TPD52L1: variants seen among roughly 807,000 people sequenced by gnomAD.
The protein encoded by TPD52L1 is tumor protein D53.
A neutral mutation model predicts 28.7 loss-of-function variants in TPD52L1; 18 were observed. The ratio of observed to expected loss-of-function variants is 0.63; its 90% confidence interval spans 0.43 to 0.93. TPD52L1 has a LOEUF of 0.93. TPD52L1 is among the 40% of genes least tolerant of loss of function. TPD52L1 has a pLI of 0.00. For synonymous variants in TPD52L1, 75 were observed against 88.8 expected, an observed-to-expected ratio of 0.84 and a Z score of 0.88; for missense variants, 203 against 254.8, an observed-to-expected ratio of 0.80 and a Z score of 1.39.
At chr6:125,231,877 G>A (rs994778165) in intron 3 of TPD52L1, among the ~76,000 whole-genome samples, 4 of 152,112 alleles carry the variant, frequency 2.6e-5, no homozygotes, top group Non-Finnish European at 5.9e-5. Flanking sequence ...TCTTAATGCC[G>A]ATCCCATAGG....
chr6:125,176,805 G>A (rs988416936), intron 1 of TPD52L1, among the ~76,000 whole-genome samples: 5 of 152,166 alleles, frequency 3.3e-5, no homozygotes, highest in African/African-American at 1.2e-4. Context: ...GGGAAGCTGA[G>A]GTAGGTGGAT....
intron 1 of TPD52L1, among the ~76,000 whole-genome samples, chr6:125,217,492 C>T (rs1206561189): frequency 2.6e-5 from 4 of 151,972 alleles, no homozygotes; most frequent in Admixed American, 1.3e-4. Flanking sequence ...ATAGGGTTTG[C>T]GGTCCTATGA....
chr6:125,183,465 C>T (rs1032595149), intron 1 of TPD52L1, among the ~76,000 whole-genome samples: 1 of 151,808 alleles, frequency 6.6e-6, no homozygotes, highest in South Asian at 2.1e-4. Flanking sequence ...GGTGACAGAG[C>T]GGGACTCCAT....
chr6:125,261,602 A>C (rs1044978324), intron 6 of TPD52L1: 12 of 151,934 alleles, frequency 7.9e-5, no homozygotes, highest in Admixed American at 7.9e-4. Context: ...TTTTTGATAA[A>C]TACATTACAT....
chr6:125,239,403 A>T (rs1796484113), intron 3 of TPD52L1, among the ~76,000 whole-genome samples: 3 of 152,338 alleles, frequency 2.0e-5, no homozygotes, highest in Admixed American at 2.0e-4. Context: ...AATGCCTCAC[A>T]ATTATGGCAG....
At chr6:125,250,590 T>A (rs1797205976) in intron 4 of TPD52L1, among the ~76,000 whole-genome samples, 1 of 152,224 alleles carries the variant, frequency 6.6e-6, no homozygotes, top group African/African-American at 2.4e-5. Context: ...GGAGAGTACA[T>A]TAACAGGAGC....
intron 2 of TPD52L1, among the ~76,000 whole-genome samples, chr6:125,227,353 G>A (rs751766596): frequency 1.3e-5 from 2 of 152,184 alleles, no homozygotes; most frequent in Non-Finnish European, 2.9e-5. Flanking sequence ...TTTATTGCAT[G>A]TTTTGCTTTT....
At chr6:125,166,323 A>G (rs944305174) in intron 1 of TPD52L1, among the ~76,000 whole-genome samples, 2 of 152,178 alleles carry the variant, frequency 1.3e-5, no homozygotes, top group African/African-American at 4.8e-5. Context: ...TTGTTTTCCA[A>G]AATGGACTCA....
intron 1 of TPD52L1, among the ~76,000 whole-genome samples, chr6:125,171,992 G>A (rs1478335331): frequency 6.6e-6 from 1 of 151,750 alleles, no homozygotes; most frequent in Non-Finnish European, 1.5e-5. Context: ...GGTCTGTCAC[G>A]GCCCTTCTAT....
intron 1 of TPD52L1, among the ~76,000 whole-genome samples, chr6:125,194,692 C>T (rs1793297329): frequency 1.3e-5 from 2 of 152,216 alleles, no homozygotes; most frequent in Non-Finnish European, 2.9e-5. Flanking sequence ...ATGAAATCTT[C>T]CTACTTTGTA....
At chr6:125,158,688 C>T (rs1243030533) in intron 1 of TPD52L1, among the ~76,000 whole-genome samples, 2 of 152,072 alleles carry the variant, frequency 1.3e-5, no homozygotes, top group Non-Finnish European at 2.9e-5. Flanking sequence ...GGAAGTATGG[C>T]ATTTTGTTAT....
intron 1 of TPD52L1, among the ~76,000 whole-genome samples, chr6:125,195,839 C>T (rs1295508394): frequency 6.6e-6 from 1 of 152,162 alleles, no homozygotes; most frequent in African/African-American, 2.4e-5. Flanking sequence ...AAGCCTGTCT[C>T]CAGTCACTCC....
At chr6:125,257,021 T>C in intron 5 of TPD52L1, 77 bp from the exon 6 acceptor site, 3 of 1,300,872 alleles carry the variant, frequency 2.3e-6, no homozygotes, top group East Asian at 2.4e-5. Context: ...TTTACAGATA[T>C]GAGCAGAAAA....
chr6:125,262,892 C>G lies in TPD52L1; in HGVS notation c.545C>G (p.Thr182Arg). 6.2e-7 allele frequency: 1 copy of G among 1,614,232 alleles called. No homozygotes were observed. The highest frequency in any genetic ancestry group is 8.5e-7 in the Non-Finnish European group (1 of 1,180,030). ...AGTTTTGAGGAGGTCCTCAGCTCCACGGCCCATGCCAGTGCCCAGAGCTTG... is the reference window on the plus strand; with the variant it reads ...AGTTTTGAGGAGGTCCTCAGCTCCAGGGCCCATGCCAGTGCCCAGAGCTTG... ...GGSFEEVLSSTAHASAQSLAG... is the reference protein window; with the variant it reads ...GGSFEEVLSSRAHASAQSLAG... Residue 182 changes from threonine to arginine, a missense_variant, in exon 7 of 7, where the codon ACG (threonine) becomes AGG (arginine). Transcript: ENST00000534000.
At chr6:125,243,481 G>T (rs898558654) in intron 3 of TPD52L1, among the ~76,000 whole-genome samples, 6 of 151,704 alleles carry the variant, frequency 4.0e-5, no homozygotes, top group Non-Finnish European at 7.4e-5. Context: ...CAAATTTCTT[G>T]GAGGAGGCTT....
chr6:125,166,994 T>C (rs1038229234), intron 1 of TPD52L1, among the ~76,000 whole-genome samples: 8 of 152,128 alleles, frequency 5.3e-5, no homozygotes, highest in African/African-American at 1.9e-4. Context: ...GGGTGGCTCA[T>C]GCCTGTAATT....
chr6:125,169,460 C>T (rs754599049), intron 1 of TPD52L1, among the ~76,000 whole-genome samples: 20 of 152,320 alleles, frequency 1.3e-4, no homozygotes, highest in East Asian at 1.9e-4. Context: ...GAGCTCCCTC[C>T]TCCAAAATAT....
At chr6:125,245,741 G>T (rs1796886242) in intron 3 of TPD52L1, among the ~76,000 whole-genome samples, 2 of 152,184 alleles carry the variant, frequency 1.3e-5, no homozygotes, top group South Asian at 4.1e-4. Context: ...CAGTTGGCGA[G>T]GCCAGTCTCA....
chr6:125,154,285 G>T, intron 1 of TPD52L1: 3 of 1,190,428 alleles, frequency 2.5e-6, no homozygotes, highest in Non-Finnish European at 3.1e-6. Context: ...CTGCCCGAAG[G>T]ACCTGTTGTG....
Sources: gnomAD v4.1 joint callset for allele counts (sites outside exome capture counted in the v4.1 genomes callset) on GRCh38, gnomAD v4.1.1 for gene constraint, MANE v1.5 for transcripts, NCBI Gene and HGNC (gene_info 2026-07-23, HGNC 2026-07-21) for gene names.